The following SHROOM3 variants were observed in gnomAD, a reference collection of about 807,000 sequenced individuals.
SHROOM3 encodes the protein shroom family member 3, also known as protein Shroom3.
SHROOM3 carries 47 observed loss-of-function variants against 138.6 expected under a neutral mutation model. The observed-to-expected ratio is 0.34, with a 90% CI of 0.27 to 0.43. The LOEUF (loss-of-function observed/expected upper bound fraction) is 0.43, where lower values mean the gene tolerates loss of function less well. SHROOM3 is among the 20% of genes least tolerant of loss of function. The probability of loss-of-function intolerance (pLI) is 1.00; values close to 1 mark genes in which losing one functional copy is unlikely to be tolerated. For synonymous variants in SHROOM3, 1,062 were observed against 1,063.3 expected, an observed-to-expected ratio of 1.00 and a Z score of 0.02; for missense variants, 2,491 against 2,596.5, an observed-to-expected ratio of 0.96 and a Z score of 0.88.
chr4:76,439,519 G>A (rs1458427348), intron 1 of SHROOM3, among the ~76,000 whole-genome samples: 6 of 152,056 alleles, frequency 3.9e-5, no homozygotes, highest in African/African-American at 1.4e-4. Context: ...CAGTACCAGG[G>A]ATGAGACTAA....
chr4:76,774,206 G>T (rs922623632), intron 10 of SHROOM3, among the ~76,000 whole-genome samples: 1 of 152,188 alleles, frequency 6.6e-6, no homozygotes, highest in Non-Finnish European at 1.5e-5. Flanking sequence ...TCTGAGACAA[G>T]AAAGACTGGA....
chr4:76,458,287 A>G (rs1022309221), intron 1 of SHROOM3, among the ~76,000 whole-genome samples: 2 of 152,222 alleles, frequency 1.3e-5, no homozygotes, highest in African/African-American at 2.4e-5. Context: ...TTTATTTTTG[A>G]CAAAATTTGG....
chr4:76,651,397 CATAAATATAT>C (rs1334223690), intron 2 of SHROOM3, among the ~76,000 whole-genome samples: 3 of 71,382 alleles, frequency 4.2e-5, no homozygotes, highest in Non-Finnish European at 8.9e-5. Context: ...TCATGTAACC[CATAAATATAT>C]ATATATATAT....
intron 2 of SHROOM3, among the ~76,000 whole-genome samples, chr4:76,624,459 G>A (rs547451456): frequency 3.3e-5 from 5 of 152,094 alleles, no homozygotes; most frequent in Non-Finnish European, 7.4e-5. Context: ...GGTTTCCTGG[G>A]AGATGAAGCA....
At chr4:76,651,124 A>G (rs1323098358) in intron 2 of SHROOM3, among the ~76,000 whole-genome samples, 1 of 143,830 alleles carries the variant, frequency 7.0e-6, no homozygotes, top group Non-Finnish European at 1.5e-5. Flanking sequence ...ATGTTACCAT[A>G]GGCTGGGAAG....
chr4:76,467,167 C>T (rs772515623), intron 1 of SHROOM3, among the ~76,000 whole-genome samples: 37 of 152,066 alleles, frequency 2.4e-4, no homozygotes, highest in African/African-American at 4.1e-4. Flanking sequence ...CTCAGCCTCC[C>T]GAGTAGCTGG....
At chr4:76,620,369 C>T (rs1260890615) in intron 2 of SHROOM3, among the ~76,000 whole-genome samples, 1 of 152,110 alleles carries the variant, frequency 6.6e-6, no homozygotes, top group African/African-American at 2.4e-5. Context: ...GAATTATCTA[C>T]ATAGAGGGTG....
Position 76,779,268 on chromosome 4 carries a change from A to C in SHROOM3, c.*91A>C. 6.8e-7 allele frequency: 1 copy of C among 1,473,412 alleles called. No homozygotes were observed. Among genetic ancestry groups the C allele is most frequent in the Non-Finnish European group, 9.1e-7 (1 of 1,104,792 alleles). 91.3% of individuals were successfully genotyped at this position (1,473,412 alleles called of 1,614,324 possible). On this transcript the variant is annotated 3_prime_UTR_variant, in exon 11 of 11. Transcript: ENST00000296043. The stretch of plus-strand genomic sequence containing the variant: ...TTCAGTACAAACCACTGTTTGAACT[A>C]TCTGGGTTATTGGTGTTTGTTCCTG...
At chr4:76,505,355 T>C (rs1732187526) in intron 1 of SHROOM3, among the ~76,000 whole-genome samples, 1 of 152,196 alleles carries the variant, frequency 6.6e-6, no homozygotes, top group African/African-American at 2.4e-5. Context: ...CATGAATAGG[T>C]ATTGAATTTT....
intron 1 of SHROOM3, among the ~76,000 whole-genome samples, chr4:76,508,214 A>G (rs1237968903): frequency 6.6e-6 from 1 of 151,324 alleles, no homozygotes; most frequent in Non-Finnish European, 1.5e-5. Flanking sequence ...GTTTTTTTTG[A>G]TATTTTAACT....
chr4:76,633,551 G>C (rs1321851227), intron 2 of SHROOM3, among the ~76,000 whole-genome samples: 4 of 151,124 alleles, frequency 2.6e-5, no homozygotes, highest in Non-Finnish European at 5.9e-5. Flanking sequence ...CAGCTATGCG[G>C]GAGGCTGAGG....
chr4:76,549,845 A>C (rs1733310619), intron 1 of SHROOM3, among the ~76,000 whole-genome samples: 4 of 152,130 alleles, frequency 2.6e-5, no homozygotes. Flanking sequence ...CCCTTAATCC[A>C]GTTAACTGAA....
rs374530154 is a variant in SHROOM3, at chr4:76,441,086, G to GTTTTTTTTTTT, written c.168+4877_168+4887dup. On this transcript the variant is annotated intron_variant, in intron 1 of 10. Transcript: ENST00000296043. ...TCAGCCACAGTCCTGAGTTCAATTTGTTTTTTTTTTTTTTTTTTTTTGAGA... is the reference window on the plus strand; with the variant it reads ...TCAGCCACAGTCCTGAGTTCAATTTGTTTTTTTTTTTTTTTTTTTTTTTTTTTTTTTTGAGA... 6.3e-4 allele frequency among the ~76,000 whole-genome samples: 52 copies of GTTTTTTTTTTT among 82,188 alleles called. 6 individuals carry two copies. Among genetic ancestry groups the GTTTTTTTTTTT allele is most frequent in the Admixed American group, 1.2e-3 (6 of 5,036 alleles). 53.9% of individuals were successfully genotyped at this position (82,188 alleles called of 152,430 possible).
chr4:76,780,119 G>A lies in SHROOM3; in HGVS notation c.*942G>A, dbSNP rs1167049285. 2.0e-5 allele frequency: 3 copies of A among 152,030 alleles called. No individual in the cohort carries two copies. Among genetic ancestry groups the A allele is most frequent in the South Asian group, 2.1e-4 (1 of 4,808 alleles). 9.4% of individuals were successfully genotyped at this position (152,030 alleles called of 1,614,324 possible). ...CCTGAACAAGATTTGGGCTAAATAC[G>A]GCCTGTTTATTGAGGCTGTTTTAAT... is the stretch of plus-strand genomic sequence containing the variant. On this transcript the variant is annotated 3_prime_UTR_variant, in exon 11 of 11. Coordinates refer to ENST00000296043, the MANE Select transcript of SHROOM3 (RefSeq NM_020859.4).
chr4:76,662,956 G>A (rs1460238541), intron 2 of SHROOM3, among the ~76,000 whole-genome samples: 1 of 151,414 alleles, frequency 6.6e-6, no homozygotes, highest in Non-Finnish European at 1.5e-5. Context: ...AGGGAGAGAG[G>A]GAGAGAGAGA....
intron 2 of SHROOM3, among the ~76,000 whole-genome samples, chr4:76,621,786 CAT>C (rs1409223345): frequency 2.0e-5 from 3 of 151,704 alleles, no homozygotes; most frequent in Non-Finnish European, 4.4e-5. Flanking sequence ...GCCTAAATAA[CAT>C]AGTTCCAGCG....
intron 2 of SHROOM3, among the ~76,000 whole-genome samples, chr4:76,570,237 G>A (rs530715723): frequency 1.3e-5 from 2 of 152,052 alleles, no homozygotes; most frequent in Non-Finnish European, 2.9e-5. Flanking sequence ...GCAACCTGCA[G>A]CAGTTTCTAA....
rs897953887 is a variant in SHROOM3, at chr4:76,779,795, C to T, written c.*618C>T. ...ATGAAATGAATTCCAAAGATAGTCACGTTGAGCGTGAAGACTTTTTTTCTT... is the reference window on the plus strand; with the variant it reads ...ATGAAATGAATTCCAAAGATAGTCATGTTGAGCGTGAAGACTTTTTTTCTT... On this transcript the variant is annotated 3_prime_UTR_variant, in exon 11 of 11. Transcript: ENST00000296043. 4 of 152,874 alleles carry T rather than the reference C, an allele frequency of 2.6e-5. No homozygotes were observed. The highest frequency in any genetic ancestry group is 7.2e-5 in the African/African-American group (3 of 41,462). 9.5% of individuals were successfully genotyped at this position (152,874 alleles called of 1,614,324 possible). A position where few individuals can be genotyped will look rare whatever the true frequency, so the allele number is the denominator to read the frequency against.
At chr4:76,711,838 GAA>G (rs34892154) in intron 3 of SHROOM3, among the ~76,000 whole-genome samples, 7 of 142,732 alleles carry the variant, frequency 4.9e-5, no homozygotes, top group Admixed American at 2.8e-4. Context: ...GATTTCATTT[GAA>G]AAAAAAAAAA....
Sources: gnomAD v4.1 joint callset for allele counts (sites outside exome capture counted in the v4.1 genomes callset) on GRCh38, gnomAD v4.1.1 for gene constraint, MANE v1.5 for transcripts, NCBI Gene and HGNC (gene_info 2026-07-23, HGNC 2026-07-21) for gene names.